The following PURG variants were observed in gnomAD, a reference collection of about 807,000 sequenced individuals.
PURG encodes the protein purine rich element binding protein G.
A neutral mutation model predicts 24.3 loss-of-function variants in PURG; 3 were observed. The ratio of observed to expected loss-of-function variants is 0.12; its 90% CI spans 0.06 to 0.32. The LOEUF is 0.32. PURG is among the 10% of genes least tolerant of loss of function. The pLI, the probability that PURG is intolerant of heterozygous loss-of-function variation, is 1.00. For synonymous variants in PURG, 180 were observed against 173.1 expected, an observed-to-expected ratio of 1.04 and a Z score of -0.31; for missense variants, 371 against 439.1, an observed-to-expected ratio of 0.84 and a Z score of 1.39.
chr8:31,021,441 GTAAAC>G (rs1810986389), intron 1 of PURG, among the ~76,000 whole-genome samples: 1 of 152,144 alleles, frequency 6.6e-6, no homozygotes, highest in Non-Finnish European at 1.5e-5. Context: ...GGTTTTATCT[GTAAAC>G]TAAAGATCAA....
intron 1 of PURG, among the ~76,000 whole-genome samples, chr8:31,003,059 C>G (rs1810570499): frequency 6.6e-6 from 1 of 152,104 alleles, no homozygotes; most frequent in South Asian, 2.1e-4. Context: ...ATTATACCAA[C>G]AAGATTCTCT....
At chr8:31,024,153 G>A (rs1015912338) in intron 1 of PURG, among the ~76,000 whole-genome samples, 2 of 152,128 alleles carry the variant, frequency 1.3e-5, no homozygotes, top group African/African-American at 4.8e-5. Context: ...TATTTTGTGT[G>A]GCTAAAGAAA....
At chr8:31,016,581 C>CAAAAAAAAAAAAAAAAAAAAAAA (rs11433207) in intron 1 of PURG, among the ~76,000 whole-genome samples, 1 of 57,532 alleles carries the variant, frequency 1.7e-5, no homozygotes, top group Non-Finnish European at 3.0e-5. Flanking sequence ...TACCAAGAAC[C>CAAAAAAAAAAAAAAAAAAAAAAA]AAAAAAAAAA....
chr8:31,016,275 G>GAGGC (rs1313963273), intron 1 of PURG, among the ~76,000 whole-genome samples: 1 of 152,028 alleles, frequency 6.6e-6, no homozygotes, highest in Non-Finnish European at 1.5e-5. Context: ...AGCTACTCAG[G>GAGGC]AGGCCGAGGC....
intron 1 of PURG, among the ~76,000 whole-genome samples, chr8:31,022,579 G>C (rs1355888925): frequency 1.3e-5 from 2 of 152,212 alleles, no homozygotes; most frequent in Non-Finnish European, 2.9e-5. Flanking sequence ...ATAGGATGGA[G>C]TGGGTCCATG....
rs748732939 is a variant in PURG at position 31,032,523 on chromosome 8, A to G, written c.260T>C (p.Ile87Thr). ...GCCTCTCCCTATCCAGACTTCGGCT[A>G]TCTTTAGGAAGCGGCCCCGGGAGCT... ...KQSSRGRFLK[I>T]AEVWIGRGRQ... Residue 87 changes from isoleucine to threonine, a missense_variant, in exon 2 of 2, where the codon ATA (isoleucine) becomes ACA (threonine). Ile to Thr is a moderately conservative substitution (Grantham distance 89). This residue lies in a region of PURG where 213 missense variants were observed against 230.6 expected (regional missense o/e 0.92). Transcript: ENST00000523392. The surrounding 1 kb of genome is among the most constrained non-coding windows in gnomAD (Gnocchi z 5.9). The G allele has an allele frequency of 1.2e-6, 2 of 1,614,218 alleles. No individual in the cohort carries two copies. Among genetic ancestry groups the G allele is most frequent in the Non-Finnish European group, 1.7e-6 (2 of 1,180,036 alleles).
chr8:30,996,765 A>G, intron 1 of PURG: 3 of 1,146,784 alleles, frequency 2.6e-6, no homozygotes, highest in Non-Finnish European at 3.8e-6. Context: ...CTATTTTCAC[A>G]GTACAAACCC....
Position 31,025,790 on chromosome 8 carries a change from G to A in PURG, c.864+6129C>T, listed in dbSNP as rs182375842. 2.0e-5 allele frequency among the ~76,000 whole-genome samples: 3 copies of A among 151,874 alleles called. No homozygotes were observed. In the East Asian group the frequency reaches 5.8e-4, roughly 29 times the overall value. On this transcript the variant is annotated intron_variant, in intron 1 of 1. Transcript: ENST00000339382. ...AGCTTTGTTTATGTTTATAGGACTA[G>A]TAATAATGCTAACTTCATTAAAAAA...
chr8:31,021,713 G>T (rs1810993167), intron 1 of PURG, among the ~76,000 whole-genome samples: 1 of 152,096 alleles, frequency 6.6e-6, no homozygotes, highest in African/African-American at 2.4e-5. Flanking sequence ...GTAAATTTGG[G>T]TTCAAATACA....
chr8:31,024,201 T>C (rs1308257274), intron 1 of PURG, among the ~76,000 whole-genome samples: 7 of 152,202 alleles, frequency 4.6e-5, no homozygotes, highest in Admixed American at 1.3e-4. Flanking sequence ...TTTTGCATTG[T>C]TCCGTTGGGT....
rs146641462 is a variant in PURG, at chr8:31,006,727, A to G, written c.865-10030T>C. Among the ~76,000 whole-genome samples, 57 of 152,338 alleles carry G rather than the reference A, an allele frequency of 3.7e-4. 1 individual carries two copies. In the East Asian group the frequency reaches 0.01, roughly 27 times the overall value. On this transcript the variant is annotated intron_variant, in intron 1 of 1. Coordinates refer to the PURG transcript ENST00000339382. ...CTTAGGTTAGAGGGGAAAAATAAAA[A>G]TAGTGAGCAATTTCCCTAGTACAAT...
intron 1 of PURG, among the ~76,000 whole-genome samples, chr8:31,010,005 G>A (rs1166628442): frequency 6.6e-6 from 1 of 152,088 alleles, no homozygotes; most frequent in Non-Finnish European, 1.5e-5. Context: ...TCTGAGGCGG[G>A]AGGATCACTT....
At chr8:31,018,125 A>C (rs1171741418) in intron 1 of PURG, among the ~76,000 whole-genome samples, 1 of 152,218 alleles carries the variant, frequency 6.6e-6, no homozygotes, top group Non-Finnish European at 1.5e-5. Flanking sequence ...TCATTTAATT[A>C]ATAAAGTTCA....
At chr8:31,016,685 C>T (rs531361872) in intron 1 of PURG, among the ~76,000 whole-genome samples, 3 of 148,068 alleles carry the variant, frequency 2.0e-5, no homozygotes, top group East Asian at 4.1e-4. Context: ...ATGAGTAAGA[C>T]GATGAAAAAT....
intron 1 of PURG, chr8:30,996,829 AT>A: frequency 1.4e-6 from 1 of 718,608 alleles, no homozygotes; most frequent in Non-Finnish European, 2.2e-6. Flanking sequence ...CAAACCCTCA[AT>A]TTTTAGTTGT....
intron 1 of PURG, among the ~76,000 whole-genome samples, chr8:31,011,877 A>G (rs748282045): frequency 6.6e-6 from 1 of 152,188 alleles, no homozygotes; most frequent in Non-Finnish European, 1.5e-5. Context: ...GGGAAAGAAT[A>G]TTTCTGAAAT....
intron 1 of PURG, among the ~76,000 whole-genome samples, chr8:31,005,611 G>A (rs1810628792): frequency 1.3e-5 from 2 of 152,060 alleles, no homozygotes; most frequent in African/African-American, 4.8e-5. Context: ...TTTCTGGGGT[G>A]ACAGAAATGT....
chr8:30,997,829 TC>T (rs1475274941), intron 1 of PURG, among the ~76,000 whole-genome samples: 1 of 151,800 alleles, frequency 6.6e-6, no homozygotes, highest in African/African-American at 2.4e-5. Context: ...TGAACTAAAT[TC>T]CTTGTATAAA....
chr8:31,003,389 A>AT (rs150119956), intron 1 of PURG, among the ~76,000 whole-genome samples: 69,939 of 150,192 alleles, frequency 0.47, 19,191 homozygotes, highest in East Asian at 0.76. Context: ...GGGTACCATT[A>AT]TTTTTTTTTT....
Sources: gnomAD v4.1 joint callset for allele counts (sites outside exome capture counted in the v4.1 genomes callset) on GRCh38, gnomAD v4.1.1 for gene constraint, gnomAD v4.1.1 regional missense constraint, Gnocchi (gnomAD v3.1) non-coding constraint, MANE v1.5 for transcripts, NCBI Gene and HGNC (gene_info 2026-07-23, HGNC 2026-07-21) for gene names.